Variants in CAPN13 observed in about 807,000 individuals in gnomAD.
The protein encoded by CAPN13 is calpain 13, also known as calpain-13.
Under a neutral mutation model 98.4 loss-of-function variants are expected in CAPN13, and 90 were observed. The observed-to-expected ratio is 0.92, with a 90% CI of 0.77 to 1.09. The LOEUF (loss-of-function observed/expected upper bound fraction) is 1.09, where lower values mean the gene tolerates loss of function less well. Ranked by LOEUF, CAPN13 falls within the 50% of genes least tolerant of loss-of-function variation. CAPN13 has a pLI of 0.00. For missense variants in CAPN13, 887 were observed against 841.3 expected, an observed-to-expected ratio of 1.05 and a Z score of -0.67; for synonymous variants, 330 against 305.5, an observed-to-expected ratio of 1.08 and a Z score of -0.84.
At chr2:30,802,449 A>ATGTGTG (rs894651411) in intron 1 of CAPN13, among the ~76,000 whole-genome samples, 18 of 133,300 alleles carry the variant, frequency 1.4e-4, no homozygotes, top group South Asian at 2.6e-4. Context: ...GGAGCTTAGA[A>ATGTGTG]TGTGTGTGTG....
chr2:30,752,866 T>C (rs1444703830), intron 10 of CAPN13, among the ~76,000 whole-genome samples, 187 bp downstream of exon 10: 1 of 152,184 alleles, frequency 6.6e-6, no homozygotes, highest in African/African-American at 2.4e-5. Context: ...TTCTCCAACT[T>C]GGCCCCTACA....
At chr2:30,787,460 GGACTGA>G in intron 1 of CAPN13, 103 bp from the exon 2 acceptor site, 1 of 820,156 alleles carries the variant, frequency 1.2e-6, no homozygotes, top group Non-Finnish European at 1.9e-6. Flanking sequence ...CCCTTTACAG[GGACTGA>G]GACTAAGTCT....
intron 22 of CAPN13, among the ~76,000 whole-genome samples, 158 bp downstream of exon 22, chr2:30,730,572 C>A (rs1452066071): frequency 6.6e-6 from 1 of 152,168 alleles, no homozygotes; most frequent in East Asian, 1.9e-4. Flanking sequence ...GGCCTTGAAA[C>A]TCAAGGGCCT....
intron 12 of CAPN13, among the ~76,000 whole-genome samples, chr2:30,744,319 G>A (rs2147974081): frequency 6.6e-6 from 1 of 152,340 alleles, no homozygotes; most frequent in East Asian, 1.9e-4. Context: ...GGACAGGGCT[G>A]GGCTCCAAGG....
At chr2:30,774,307 T>G (rs943855662) in intron 4 of CAPN13, among the ~76,000 whole-genome samples, 3 of 151,882 alleles carry the variant, frequency 2.0e-5, no homozygotes, top group Non-Finnish European at 2.9e-5. Flanking sequence ...TAATTAGTTA[T>G]ATAGTAAACA....
chr2:30,735,180 C>T (rs1179030813), intron 18 of CAPN13, among the ~76,000 whole-genome samples: 8 of 152,192 alleles, frequency 5.3e-5, no homozygotes, highest in Non-Finnish European at 1.0e-4. Context: ...GCCTTTTCTA[C>T]CTCTATCCAA....
At chr2:30,785,378 AG>A (rs1381492562) in intron 2 of CAPN13, among the ~76,000 whole-genome samples, 1 of 152,210 alleles carries the variant, frequency 6.6e-6, no homozygotes, top group African/African-American at 2.4e-5. Context: ...TACTACACAA[AG>A]GTAAGTCTTG....
rs566634353 is a variant in CAPN13 at position 30,800,727 on chromosome 2, T to C, written c.-33+6575A>G. On this transcript the variant is annotated intron_variant, in intron 1 of 22. Coordinates refer to ENST00000295055, the MANE Select transcript of CAPN13 (RefSeq NM_144575.3). ...CCACAGAATGTATTATTTCTTTCAA[T>C]TAAGTTTAGGTTTGTGCCAATACAC... is the stretch of plus-strand genomic sequence containing the variant. Among the ~76,000 whole-genome samples the C allele has an allele frequency of 2.1e-4, 32 of 152,350 alleles. 2 individuals are homozygous for C. The South Asian group carries it at 4.8e-3, about 23-fold the overall frequency.
chr2:30,753,217 C>T lies in CAPN13; in HGVS notation c.942-19G>A, dbSNP rs1017859641. On this transcript the variant is annotated intron_variant, in intron 9 of 22. Coordinates refer to ENST00000295055, the MANE Select transcript of CAPN13 (RefSeq NM_144575.3). ...CGACATCCTGTTAAAAACAGATATA[C>T]ATCACTCAGTGACCAGGGGTTGTGT... The T allele has an allele frequency of 2.5e-6, 4 of 1,613,192 alleles. No homozygotes were observed. The highest frequency in any genetic ancestry group is 1.3e-5 in the African/African-American group (1 of 74,940).
In CAPN13 at chr2:30,758,316, C is replaced by T. The variant is rs1025158768; in HGVS notation, c.775-179G>A. On this transcript the variant is annotated intron_variant, in intron 7 of 22. Coordinates refer to ENST00000295055, the MANE Select transcript of CAPN13 (RefSeq NM_144575.3). ...CAATGTCTCTCTACTGCCTGCATGG[C>T]GTTGGAATGAGATAGACAAGGAAAT... Among the ~76,000 whole-genome samples, 5 of 152,312 alleles carry T rather than the reference C, an allele frequency of 3.3e-5. No homozygotes were observed. The East Asian group carries it at 5.8e-4, about 18-fold the overall frequency.
At chr2:30,803,225 T>C (rs1675400680) in intron 1 of CAPN13, among the ~76,000 whole-genome samples, 1 of 152,210 alleles carries the variant, frequency 6.6e-6, no homozygotes, top group South Asian at 2.1e-4. Context: ...CAAAGATTCC[T>C]GTCATCTCTC....
At chr2:30,759,042 CCTTCCTTCCTTCCCTCCCTCCCTCCCT>C (rs1672657810) in intron 7 of CAPN13, among the ~76,000 whole-genome samples, 5 of 17,632 alleles carry the variant, frequency 2.8e-4, no homozygotes, top group African/African-American at 6.2e-4. Context: ...CTCCCTCCCT[CCTTCCTTCCTTCCCTCCCTCCCTCCCT>C]CCTCCCTCCC....
intron 21 of CAPN13, 148 bp from the exon 22 acceptor site, chr2:30,730,934 C>A (rs922065818): frequency 6.0e-6 from 4 of 662,198 alleles, no homozygotes; most frequent in Admixed American, 4.6e-5. Flanking sequence ...GGGTACGGGG[C>A]GGGGTTGTCT....
At chr2:30,761,984 G>T (rs551356) in intron 7 of CAPN13, among the ~76,000 whole-genome samples, 111,353 of 152,086 alleles carry the variant, frequency 0.73, 44,419 homozygotes, top group South Asian at 0.9. Flanking sequence ...GTGCCCTAGA[G>T]TTTGGAACTT....
In CAPN13 at chr2:30,758,103, G is replaced by A. The variant is rs757795783; in HGVS notation, c.809C>T (p.Ser270Phe). The change falls in exon 8 of 23, where the codon TCC becomes TTC. Residue 270 changes from serine (S) to phenylalanine (F), a missense_variant. Transcript: ENST00000295055. Reference sequence around the variant, plus strand: ...GCCCCAGCCCCAGGGGTTCCACAGGGAGATAATTTCTTCCCAGCCCCTTCG... The same window carrying A: ...GCCCCAGCCCCAGGGGTTCCACAGGAAGATAATTTCTTCCCAGCCCCTTCG... ...QYRRGWEEII[S>F]LWNPWGWGEA... 23 of 1,609,506 alleles carry A rather than the reference G, an allele frequency of 1.4e-5. No homozygotes were observed. The highest frequency in any genetic ancestry group is 3.3e-5 in the South Asian group (3 of 89,692).
chr2:30,777,180 G>C (rs142748350), intron 3 of CAPN13, among the ~76,000 whole-genome samples: 1 of 152,296 alleles, frequency 6.6e-6, no homozygotes, highest in Non-Finnish European at 1.5e-5. Context: ...GCTCTCAGCA[G>C]CTCCTTTGCT....
chr2:30,782,255 C>A (rs76938041), intron 2 of CAPN13, among the ~76,000 whole-genome samples: 1 of 152,218 alleles, frequency 6.6e-6, no homozygotes. Context: ...CATCCTCACA[C>A]GGCATGCCGC....
At chr2:30,783,872 A>C (rs138729306) in intron 2 of CAPN13, among the ~76,000 whole-genome samples, 2 of 152,298 alleles carry the variant, frequency 1.3e-5, no homozygotes, top group African/African-American at 4.8e-5. Context: ...CAACTTTCTA[A>C]AAATAGTGAT....
At chr2:30,754,244 G>C (rs746816121) in intron 9 of CAPN13, 46 bp downstream of exon 9, 6 of 1,452,062 alleles carry the variant, frequency 4.1e-6, no homozygotes, top group Non-Finnish European at 1.9e-6. Context: ...TTGAAGACTT[G>C]GGCAATAAAA....
Sources: gnomAD v4.1 joint callset for allele counts (sites outside exome capture counted in the v4.1 genomes callset) on GRCh38, gnomAD v4.1.1 for gene constraint, MANE v1.5 for transcripts, NCBI Gene and HGNC (gene_info 2026-07-23, HGNC 2026-07-21) for gene names.